NRXN1: variants seen among roughly 807,000 people sequenced by gnomAD.
NRXN1 encodes neurexin 1.
Under a neutral mutation model 150.9 loss-of-function variants are expected in NRXN1, and 39 were observed. The ratio of observed to expected loss-of-function variants is 0.26; its 90% CI spans 0.20 to 0.34. The LOEUF (loss-of-function observed/expected upper bound fraction) is 0.34, where lower values mean the gene tolerates loss of function less well. Ranked by LOEUF, NRXN1 falls within the 10% of genes least tolerant of loss-of-function variation. The pLI, the probability that NRXN1 is intolerant of heterozygous loss-of-function variation, is 1.00. For synonymous variants in NRXN1, 924 were observed against 757.0 expected (o/e 1.22, Z -3.62); for missense variants, 1,815 against 1,949.9 (o/e 0.93, Z 1.30).
intron 8 of NRXN1, among the ~76,000 whole-genome samples, chr2:50,561,739 T>A (rs1430956546): frequency 1.3e-5 from 2 of 152,176 alleles, no homozygotes; most frequent in Non-Finnish European, 2.9e-5. Flanking sequence ...AAGTTGATTT[T>A]CACAGACAGA....
intron 18 of NRXN1, among the ~76,000 whole-genome samples, chr2:50,227,439 G>A (rs2064504426): frequency 6.6e-6 from 1 of 152,008 alleles, no homozygotes; most frequent in South Asian, 2.1e-4. Context: ...CCCTTGCAGA[G>A]CAGTGGGAGA....
At chr2:50,638,212 G>A (rs530570358) in intron 5 of NRXN1, among the ~76,000 whole-genome samples, 3 of 152,176 alleles carry the variant, frequency 2.0e-5, no homozygotes, top group South Asian at 2.1e-4. Flanking sequence ...ATATTTCCAG[G>A]AACCCTACCC....
chr2:50,284,642 A>G (rs2152936512), intron 17 of NRXN1, among the ~76,000 whole-genome samples: 1 of 152,270 alleles, frequency 6.6e-6, no homozygotes, highest in South Asian at 2.1e-4. Flanking sequence ...TACTCACCAA[A>G]CCAATTCTAG....
rs537487234 is a variant in NRXN1, at chr2:50,706,193, A to G, written c.833-82578T>C. 3.9e-4 allele frequency among the ~76,000 whole-genome samples: 60 copies of G among 152,248 alleles called. 2 individuals are homozygous for G. The South Asian group carries it at 0.012, about 29-fold the overall frequency. On this transcript the variant is annotated intron_variant, in intron 5 of 22. Coordinates refer to ENST00000401669, the MANE Select transcript of NRXN1 (RefSeq NM_001330078.2). The stretch of plus-strand genomic sequence containing the variant: ...TACTGCCTTCTTTACATCTTTGTCA[A>G]TCCTTCAAAAGCATTTCCATTATTT...
intron 18 of NRXN1, among the ~76,000 whole-genome samples, chr2:50,154,392 GA>G (rs2058886960): frequency 6.6e-6 from 1 of 151,466 alleles, no homozygotes; most frequent in Non-Finnish European, 1.5e-5. Context: ...AAACAGTGTG[GA>G]AAAAATTAAG....
chr2:50,730,344 T>C (rs1436431360), intron 5 of NRXN1, among the ~76,000 whole-genome samples: 1 of 152,218 alleles, frequency 6.6e-6, no homozygotes, highest in Non-Finnish European at 1.5e-5. Context: ...AGAGTCATTA[T>C]AGCCACAATA....
At chr2:50,421,017 T>A (rs1478697295) in intron 17 of NRXN1, among the ~76,000 whole-genome samples, 1 of 141,360 alleles carries the variant, frequency 7.1e-6, no homozygotes. Context: ...TGTGTGTGTG[T>A]GTTTCACATT....
At chr2:49,969,627 C>G (rs1485913129) in intron 21 of NRXN1, 1 of 151,824 alleles carries the variant, frequency 6.6e-6, no homozygotes, top group Non-Finnish European at 1.5e-5. Context: ...ATTCATTTCA[C>G]TGGACGACTG....
intron 17 of NRXN1, among the ~76,000 whole-genome samples, chr2:50,263,185 C>T (rs866327283): frequency 1.5e-4 from 23 of 149,610 alleles, no homozygotes; most frequent in African/African-American, 5.6e-4. Flanking sequence ...CACACACACA[C>T]ACACACACAT....
chr2:50,868,159 A>ATAT (rs1409605621), intron 5 of NRXN1, among the ~76,000 whole-genome samples: 2 of 69,820 alleles, frequency 2.9e-5, no homozygotes, highest in Non-Finnish European at 6.6e-5. Flanking sequence ...ATATATATAT[A>ATAT]TATATATATA....
chr2:50,564,682 T>C (rs898404407), intron 8 of NRXN1, among the ~76,000 whole-genome samples: 4 of 152,186 alleles, frequency 2.6e-5, no homozygotes, highest in African/African-American at 9.7e-5. Context: ...TGCTAAAATA[T>C]TGAACACATG....
chr2:50,841,063 T>A (rs1367635197), intron 5 of NRXN1: 1 of 152,606 alleles, frequency 6.6e-6, no homozygotes, highest in African/African-American at 2.4e-5. Flanking sequence ...CTACATACCA[T>A]GTTAATGTAG....
chr2:50,906,731 AT>A (rs1683736728), intron 5 of NRXN1, among the ~76,000 whole-genome samples: 2 of 152,070 alleles, frequency 1.3e-5, no homozygotes, highest in Admixed American at 1.3e-4. Flanking sequence ...TTTCTCTTAC[AT>A]ACTTACATTA....
intron 18 of NRXN1, among the ~76,000 whole-genome samples, chr2:50,126,144 T>C (rs1014231098): frequency 3.9e-5 from 6 of 152,128 alleles, no homozygotes; most frequent in Admixed American, 2.6e-4. Flanking sequence ...ATTTTAAACA[T>C]ACACCCTTTT....
intron 8 of NRXN1, among the ~76,000 whole-genome samples, chr2:50,618,691 T>C (rs2104217106): frequency 6.6e-6 from 1 of 151,830 alleles, no homozygotes; most frequent in South Asian, 2.1e-4. Context: ...ATAAAATGTC[T>C]ACCTATTTTG....
intron 5 of NRXN1, among the ~76,000 whole-genome samples, chr2:50,836,034 T>C (rs1672058501): frequency 6.6e-6 from 1 of 152,226 alleles, no homozygotes; most frequent in South Asian, 2.1e-4. Context: ...CTTTTCACGT[T>C]TGTAAAATTG....
At chr2:50,526,115 G>A (rs2105167633) in intron 12 of NRXN1, among the ~76,000 whole-genome samples, 1 of 152,240 alleles carries the variant, frequency 6.6e-6, no homozygotes, top group Non-Finnish European at 1.5e-5. Flanking sequence ...TTGGCGGTGG[G>A]GTAGGGAAAG....
chr2:50,502,665 A>T (rs942593841), intron 13 of NRXN1, among the ~76,000 whole-genome samples: 3 of 152,218 alleles, frequency 2.0e-5, no homozygotes, highest in Non-Finnish European at 4.4e-5. Flanking sequence ...ATATGAAAGT[A>T]TGGAATGGGA....
At chr2:49,969,671 C>T (rs1446782764) in intron 21 of NRXN1, 1 of 151,822 alleles carries the variant, frequency 6.6e-6, no homozygotes, top group Non-Finnish European at 1.5e-5. Context: ...ATATACTCTC[C>T]CATCCGAGTA....
Sources: allele counts gnomAD v4.1 joint callset (sites outside exome capture counted in the v4.1 genomes callset), GRCh38; gene constraint gnomAD v4.1.1; transcripts MANE v1.5; gene names NCBI Gene and HGNC (gene_info 2026-07-23, HGNC 2026-07-21).